Variants in HOXB3 observed in about 807,000 individuals in gnomAD.
HOXB3 encodes homeobox B3.
In HOXB3, 17 loss-of-function variants were observed where a neutral mutation model predicts 29.2. The observed-to-expected ratio is 0.58, with a 90% CI of 0.40 to 0.87. HOXB3 has a LOEUF of 0.87. Ranked by LOEUF, HOXB3 falls within the 40% of genes least tolerant of loss-of-function variation. The probability of loss-of-function intolerance (pLI) is 0.00; values close to 1 mark genes in which losing one functional copy is unlikely to be tolerated. For missense variants in HOXB3, 637 were observed against 616.3 expected, an observed-to-expected ratio of 1.03 and a Z score of -0.35; for synonymous variants, 317 against 285.9, an observed-to-expected ratio of 1.11 and a Z score of -1.10.
At chr17:48,555,287 A>G (rs1268796650) in intron 3 of HOXB3, 5 of 546,376 alleles carry the variant, frequency 9.2e-6, no homozygotes, top group Non-Finnish European at 1.6e-5. Context: ...GAAAAGAGAG[A>G]GAGGAGAAAA....
At chr17:48,566,626 C>T (rs2069398123) in intron 2 of HOXB3, among the ~76,000 whole-genome samples, 1 of 152,112 alleles carries the variant, frequency 6.6e-6, no homozygotes, top group South Asian at 2.1e-4. Flanking sequence ...TGGGCTGGCC[C>T]AAAGAGCAGA....
At chr17:48,565,801 C>A (rs961438223) in intron 2 of HOXB3, among the ~76,000 whole-genome samples, 8 of 152,204 alleles carry the variant, frequency 5.3e-5, no homozygotes, top group African/African-American at 1.9e-4. Flanking sequence ...TTGTGGGGCT[C>A]CTTCCTCCAG....
chr17:48,564,295 G>A (rs1363860647), intron 2 of HOXB3, among the ~76,000 whole-genome samples: 2 of 151,758 alleles, frequency 1.3e-5, no homozygotes, highest in Admixed American at 6.6e-5. Flanking sequence ...CCAGGCCCCG[G>A]ACCCTCGGCC....
At chr17:48,586,365 A>C (rs1037999384) in intron 1 of HOXB3, among the ~76,000 whole-genome samples, 6 of 152,202 alleles carry the variant, frequency 3.9e-5, no homozygotes, top group African/African-American at 1.4e-4. Flanking sequence ...GCCTGCAATC[A>C]GTAAATTCGC....
intron 1 of HOXB3, among the ~76,000 whole-genome samples, chr17:48,587,520 T>G (rs2070070260): frequency 6.6e-6 from 1 of 152,168 alleles, no homozygotes; most frequent in Non-Finnish European, 1.5e-5. Flanking sequence ...GTGCTGAGCT[T>G]CTGTCTTCTC....
At position 48,549,410 on chromosome 17, in the gene HOXB3, G is replaced by A. The variant is rs1302093451; in HGVS notation, c.*924C>T. On this transcript the variant is annotated 3_prime_UTR_variant, in exon 5 of 5. Transcript: ENST00000498678. ...TGCAACAAAAGTGTCCTGTCAGGAG[G>A]CTGAGCAAGGCACACAGGCCCTGCC... The A allele has an allele frequency of 6.7e-6, 1 of 149,996 alleles. No homozygotes were observed. Among genetic ancestry groups the A allele is most frequent in the Non-Finnish European group, 1.5e-5 (1 of 67,556 alleles). 9.3% of individuals were successfully genotyped at this position (149,996 alleles called of 1,614,324 possible). A position where few individuals can be genotyped will look rare whatever the true frequency, so the allele number is the denominator to read the frequency against.
intron 1 of HOXB3, chr17:48,577,111 C>T (rs2069790853): frequency 2.4e-6 from 3 of 1,255,008 alleles, no homozygotes; most frequent in South Asian, 1.5e-5. Context: ...CGTTTCCCTC[C>T]CTCCCTCTCC....
At chr17:48,557,511 G>A (rs2069034677) in intron 2 of HOXB3, among the ~76,000 whole-genome samples, 1 of 152,220 alleles carries the variant, frequency 6.6e-6, no homozygotes, top group Admixed American at 6.5e-5. Flanking sequence ...ACTTCTTCCA[G>A]GCAAGGCTAA....
At chr17:48,573,626 C>G (rs2069658496) in intron 2 of HOXB3, among the ~76,000 whole-genome samples, 1 of 152,220 alleles carries the variant, frequency 6.6e-6, no homozygotes. Flanking sequence ...TTCAAACACT[C>G]TCCAGGTGTC....
rs768936533 is a variant in HOXB3 at position 48,552,254 on chromosome 17, A to T, written c.221T>A (p.Met74Lys). The stretch of plus-strand genomic sequence containing the variant: ...GGGCTCGGGGGCCAGACCCGGCCTC[A>T]TGCAGCTGCCGTTGAGCTCCTTGCT... ...AKSKELNGSCMRPGLAPEPLS... is the reference protein window; with the variant it reads ...AKSKELNGSCKRPGLAPEPLS... The change falls in exon 4 of 5, where the codon ATG (methionine) becomes AAG (lysine). Residue 74 changes from methionine (M) to lysine (K), a missense_variant. Physicochemically the swap from Met to Lys is moderately conservative, Grantham distance 95. Transcript: ENST00000498678. 1.2e-6 allele frequency: 2 copies of T among 1,613,570 alleles called. No homozygotes were observed. Among genetic ancestry groups the T allele is most frequent in the Non-Finnish European group, 1.7e-6 (2 of 1,179,904 alleles).
At chr17:48,562,587 C>T (rs80126781) in intron 2 of HOXB3, among the ~76,000 whole-genome samples, 4 of 152,164 alleles carry the variant, frequency 2.6e-5, no homozygotes, top group African/African-American at 9.7e-5. Context: ...TTTCAAGAAA[C>T]TCCCATTAAT....
intron 1 of HOXB3, chr17:48,577,788 C>T (rs1015184357): frequency 1.6e-6 from 2 of 1,272,822 alleles, no homozygotes; most frequent in Admixed American, 3.4e-5. Context: ...CAACCCCCCC[C>T]CAACCCATGC....
intron 3 of HOXB3, chr17:48,553,417 G>C (rs2068843218): frequency 6.6e-6 from 1 of 151,550 alleles, no homozygotes; most frequent in Admixed American, 6.6e-5. Flanking sequence ...ACGCCAGTTG[G>C]TGCTGTGACC....
In HOXB3 at chr17:48,554,263, G is replaced by A; in HGVS notation, c.-159+1268C>T. ...GGTTGTTATTAATAGAGAAGAGAAT[G>A]AAATAAAAACGTTGGAGGGGGTTGG... On this transcript the variant is annotated intron_variant, in intron 3 of 4. Coordinates refer to ENST00000498678, the MANE Select transcript of HOXB3 (RefSeq NM_001384749.1). The surrounding 1 kb of genome is among the most constrained non-coding windows in gnomAD (Gnocchi z 4.1). The A allele has an allele frequency of 4.4e-6, 1 of 229,652 alleles. No homozygotes were observed. The highest frequency in any genetic ancestry group is 2.3e-5 in the African/African-American group (1 of 43,988). The allele number at this position is 229,652 out of a possible 1,614,324, so 14.2% of individuals were successfully genotyped here. A position where few individuals can be genotyped will look rare whatever the true frequency, so the allele number is the denominator to read the frequency against.
chr17:48,551,068 A>G lies in HOXB3; in HGVS notation c.562T>C (p.Ser188Pro). ...GTGTACGCCGTCCGCGCCCGCTTGGACGCCGCCGACCCCGGGGGGCTCTTG... is the reference window on the plus strand; with the variant it reads ...GTGTACGCCGTCCGCGCCCGCTTGGGCGCCGCCGACCCCGGGGGGCTCTTG... The part of the protein sequence containing the change: ...GDKSPPGSAA[S>P]KRARTAYTSA... Residue 188 changes from serine to proline, a missense_variant, in exon 5 of 5, where the codon TCC becomes CCC. Coordinates refer to ENST00000498678, the MANE Select transcript of HOXB3 (RefSeq NM_001384749.1). 6.5e-7 allele frequency: 1 copy of G among 1,548,596 alleles called. No homozygotes were observed. The highest frequency in any genetic ancestry group is 8.7e-7 in the Non-Finnish European group (1 of 1,143,188).
intron 3 of HOXB3, 51 bp downstream of exon 3, chr17:48,555,480 G>C: frequency 1.4e-6 from 1 of 702,312 alleles, no homozygotes; most frequent in Non-Finnish European, 2.6e-6. Flanking sequence ...AAATCATTGA[G>C]ACATACTCTC....
intron 2 of HOXB3, among the ~76,000 whole-genome samples, chr17:48,564,447 G>A (rs1261460645): frequency 3.0e-5 from 4 of 132,198 alleles, no homozygotes; most frequent in Non-Finnish European, 5.0e-5. Flanking sequence ...CCCCGCCCCC[G>A]GCTTTGTTCG....
At chr17:48,578,203 G>C (rs2069834489) in intron 1 of HOXB3, 2 of 1,613,478 alleles carry the variant, frequency 1.2e-6, no homozygotes, top group Non-Finnish European at 1.7e-6. Context: ...TCTGGCCGCC[G>C]GCGTAGTACC....
chr17:48,552,653 C>G (rs1014882479), intron 3 of HOXB3, 21 bp from the exon 4 acceptor site: 2 of 551,172 alleles, frequency 3.6e-6, no homozygotes, highest in African/African-American at 4.0e-5. Context: ...AGAGAAGAGA[C>G]ACAAGGGGGA....
Sources: allele counts gnomAD v4.1 joint callset (sites outside exome capture counted in the v4.1 genomes callset), GRCh38; gene constraint gnomAD v4.1.1; non-coding constraint Gnocchi (gnomAD v3.1); transcripts MANE v1.5; gene names NCBI Gene and HGNC (gene_info 2026-07-23, HGNC 2026-07-21).